Variants in ANO4 observed in about 807,000 individuals in gnomAD.
The protein encoded by ANO4 is anoctamin-4.
In ANO4, 69 loss-of-function variants were observed where a neutral mutation model predicts 141.9. That is an observed-to-expected ratio of 0.49 (90% CI 0.40 to 0.59). The LOEUF is 0.59. ANO4 is among the 20% of genes least tolerant of loss of function. The pLI, the probability that ANO4 is intolerant of heterozygous loss-of-function variation, is 0.00. For synonymous variants in ANO4, 350 were observed against 394.3 expected, an observed-to-expected ratio of 0.89 and a Z score of 1.33; for missense variants, 894 against 1,162.2, an observed-to-expected ratio of 0.77 and a Z score of 3.36.
At chr12:100,965,469 C>T (rs1456676762) in intron 5 of ANO4, among the ~76,000 whole-genome samples, 1 of 152,142 alleles carries the variant, frequency 6.6e-6, no homozygotes, top group Non-Finnish European at 1.5e-5. Context: ...CTTTTGGAAA[C>T]AAGTGATCCC....
chr12:100,739,997 C>T (rs966354910), exon 3 of ANO4: 19 of 702,580 alleles, frequency 2.7e-5, no homozygotes, highest in Middle Eastern at 4.6e-4. Context: ...ATCCTTCACC[C>T]GCAAGACTGA....
chr12:100,748,223 T>A (rs922264160), intron 3 of ANO4, among the ~76,000 whole-genome samples: 9 of 152,214 alleles, frequency 5.9e-5, no homozygotes, highest in Non-Finnish European at 1.3e-4. Context: ...CAATGTCTTA[T>A]AACAAATTGT....
At chr12:100,928,857 T>C (rs2041978432) in intron 3 of ANO4, among the ~76,000 whole-genome samples, 1 of 152,162 alleles carries the variant, frequency 6.6e-6, no homozygotes, top group Admixed American at 6.6e-5. Context: ...AGAAACAAGT[T>C]AATGATCTCA....
chr12:100,814,650 C>G (rs1359764444), intron 1 of ANO4, among the ~76,000 whole-genome samples: 1 of 151,920 alleles, frequency 6.6e-6, no homozygotes, highest in Non-Finnish European at 1.5e-5. Context: ...GCCAAGAATA[C>G]TAGATTAGGT....
At chr12:100,905,927 A>G (rs1249139167) in intron 2 of ANO4, among the ~76,000 whole-genome samples, 2 of 152,072 alleles carry the variant, frequency 1.3e-5, no homozygotes, top group Non-Finnish European at 2.9e-5. Context: ...TTCTTTTCCT[A>G]TGTTGTCAGC....
intron 17 of ANO4, among the ~76,000 whole-genome samples, chr12:101,087,109 A>G (rs2049535745): frequency 6.6e-6 from 1 of 152,078 alleles, no homozygotes; most frequent in African/African-American, 2.4e-5. Flanking sequence ...TATATTGTGA[A>G]CCCCTTAAGT....
intron 24 of ANO4, among the ~76,000 whole-genome samples, chr12:101,113,861 A>G (rs2050753541): frequency 6.6e-6 from 1 of 152,208 alleles, no homozygotes; most frequent in Admixed American, 6.5e-5. Context: ...CAGAAGTTAC[A>G]TGGAAGAGAT....
chr12:100,840,709 C>T (rs2037195753), intron 1 of ANO4, among the ~76,000 whole-genome samples: 1 of 152,120 alleles, frequency 6.6e-6, no homozygotes, highest in African/African-American at 2.4e-5. Flanking sequence ...TCCAGCCAAA[C>T]ATATCTCTTT....
intron 3 of ANO4, among the ~76,000 whole-genome samples, chr12:100,926,210 C>A (rs1318872602): frequency 2.0e-5 from 3 of 152,014 alleles, no homozygotes; most frequent in African/African-American, 7.2e-5. Flanking sequence ...CATCTTGATG[C>A]AAGAATTTTG....
chr12:100,970,704 TC>T (rs2043891095), intron 5 of ANO4, among the ~76,000 whole-genome samples: 1 of 134,216 alleles, frequency 7.5e-6, no homozygotes, highest in Non-Finnish European at 1.6e-5. Flanking sequence ...CTTCCTTCCT[TC>T]CTTCCTTCCT....
chr12:101,053,013 C>T (rs992783882), intron 14 of ANO4, among the ~76,000 whole-genome samples: 2 of 152,318 alleles, frequency 1.3e-5, no homozygotes, highest in Admixed American at 6.5e-5. Flanking sequence ...CCATGTTGTG[C>T]ATCTTCTGTG....
intron 5 of ANO4, among the ~76,000 whole-genome samples, chr12:100,957,735 C>T (rs1407416591): frequency 2.6e-5 from 4 of 152,332 alleles, no homozygotes; most frequent in African/African-American, 9.6e-5. Flanking sequence ...GGATTACAGG[C>T]GTACACCGCC....
chr12:100,728,526 C>T (rs555044704), intron 1 of ANO4, among the ~76,000 whole-genome samples: 12 of 152,288 alleles, frequency 7.9e-5, no homozygotes, highest in African/African-American at 2.4e-4. Context: ...GATTCTGATT[C>T]CAGCTTTGTG....
At chr12:101,011,318 C>CTTTTTTTTTT (rs59483191) in intron 8 of ANO4, among the ~76,000 whole-genome samples, 3 of 110,688 alleles carry the variant, frequency 2.7e-5, no homozygotes, top group Non-Finnish European at 3.9e-5. Flanking sequence ...GGCCTTTTTT[C>CTTTTTTTTTT]TTTTTTTTTT....
At chr12:100,951,919 A>C (rs547770445) in intron 5 of ANO4, among the ~76,000 whole-genome samples, 2 of 152,194 alleles carry the variant, frequency 1.3e-5, no homozygotes, top group South Asian at 4.1e-4. Flanking sequence ...GCCTCTACCC[A>C]CTAGATGCCA....
At chr12:100,774,373 T>C (rs1026202065) in intron 3 of ANO4, among the ~76,000 whole-genome samples, 8 of 152,348 alleles carry the variant, frequency 5.3e-5, no homozygotes, top group Admixed American at 1.3e-4. Flanking sequence ...ATCAACAACA[T>C]TTTATAGCTA....
chr12:101,021,931 A>G (rs1593039813), intron 9 of ANO4, among the ~76,000 whole-genome samples: 2 of 152,054 alleles, frequency 1.3e-5, no homozygotes, highest in East Asian at 3.9e-4. Flanking sequence ...CAGCAAAACA[A>G]CTACCTTGGT....
At chr12:100,929,895 C>T (rs1432097683) in intron 3 of ANO4, among the ~76,000 whole-genome samples, 3 of 152,094 alleles carry the variant, frequency 2.0e-5, no homozygotes, top group Non-Finnish European at 4.4e-5. Flanking sequence ...TGAGATTTCT[C>T]ATTGTAGTTT....
rs149974778 is a variant in ANO4 at position 101,122,600 on chromosome 12, A to G, written c.2676+1975A>G. ...GAAGTCCAGTTTCATTCTTCTGCAT[A>G]TGGATAGCCAGTTATCTCAGCACCA... On this transcript the variant is annotated intron_variant, in intron 26 of 27. Transcript: ENST00000392977. 3.6e-3 allele frequency among the ~76,000 whole-genome samples: 552 copies of G among 152,330 alleles called. 5 individuals carry two copies. The highest frequency in any genetic ancestry group is 0.012 in the African/African-American group (517 of 41,568).
Sources: gnomAD v4.1 joint callset for allele counts (sites outside exome capture counted in the v4.1 genomes callset) on GRCh38, gnomAD v4.1.1 for gene constraint, MANE v1.5 for transcripts, NCBI Gene and HGNC (gene_info 2026-07-23, HGNC 2026-07-21) for gene names.